Variants in SPATS2L observed in about 807,000 individuals in gnomAD.
SPATS2L encodes spermatogenesis associated serine rich 2 like.
In SPATS2L, 30 loss-of-function variants were observed where a neutral mutation model predicts 59.6. The ratio of observed to expected loss-of-function variants is 0.50; its 90% CI spans 0.38 to 0.68. The LOEUF is 0.68. Ranked by LOEUF, SPATS2L falls within the 30% of genes least tolerant of loss-of-function variation. The pLI is 0.00. For synonymous variants in SPATS2L, 252 were observed against 263.5 expected (o/e 0.96, Z 0.42); for missense variants, 615 against 700.0 (o/e 0.88, Z 1.37).
At chr2:200,467,208 G>A in intron 9 of SPATS2L, 82 bp from the exon 10 acceptor site, 1 of 960,086 alleles carries the variant, frequency 1.0e-6, no homozygotes, top group Non-Finnish European at 1.6e-6. Context: ...AGTCTGTGGA[G>A]TGAGAACTGA....
chr2:200,371,875 T>TA (rs2081437675), intron 2 of SPATS2L, among the ~76,000 whole-genome samples: 1 of 152,142 alleles, frequency 6.6e-6, no homozygotes, highest in African/African-American at 2.4e-5. Flanking sequence ...TGTTAGAAGA[T>TA]ATTTGTGTCA....
rs142331733 is a variant in SPATS2L, at chr2:200,425,264, C to T, written c.445+5768C>T. ...CAGATTTTTTTATGTTGCTGTTGGT[C>T]CTGGCCTCAAGATTACCTCCCCTGC... On this transcript the variant is annotated intron_variant, in intron 6 of 12. Coordinates refer to ENST00000409140, the MANE Select transcript of SPATS2L (RefSeq NM_001100423.2). 1.7e-4 allele frequency among the ~76,000 whole-genome samples: 26 copies of T among 152,054 alleles called. No individual in the cohort carries two copies. In the East Asian group the frequency reaches 4.6e-3, roughly 27 times the overall value.
chr2:200,341,089 C>T (rs116343338), intron 2 of SPATS2L, among the ~76,000 whole-genome samples: 1,940 of 152,222 alleles, frequency 0.013, 38 homozygotes, highest in African/African-American at 0.043. Context: ...ACTGGCAGAC[C>T]GACTTCTTAA....
chr2:200,401,873 G>A (rs998014908), intron 3 of SPATS2L, among the ~76,000 whole-genome samples: 1 of 152,132 alleles, frequency 6.6e-6, no homozygotes, highest in South Asian at 2.1e-4. Context: ...CTTTTCTGGA[G>A]CTCCAGATTT....
chr2:200,433,412 A>G (rs1370236868), intron 6 of SPATS2L, among the ~76,000 whole-genome samples: 2 of 152,152 alleles, frequency 1.3e-5, no homozygotes, highest in Non-Finnish European at 2.9e-5. Flanking sequence ...TTGCTGGACC[A>G]TAAAATTAGT....
intron 1 of SPATS2L, among the ~76,000 whole-genome samples, chr2:200,329,213 G>T (rs928170440): frequency 8.5e-5 from 13 of 152,148 alleles, no homozygotes; most frequent in African/African-American, 3.1e-4. Flanking sequence ...TGTGAGGAAG[G>T]TACTGTTATT....
rs1289999166 is a variant in SPATS2L, at chr2:200,481,013, C to G, written c.*2982C>G. On this transcript the variant is annotated 3_prime_UTR_variant, in exon 13 of 13. Transcript: ENST00000409140. ...TTAGATCTTCCACCAAGACTTCATC[C>G]GTGAAATCCACACCTCCCTGTTGGG... 6.6e-6 allele frequency: 1 copy of G among 152,156 alleles called. No homozygotes were observed. The highest frequency in any genetic ancestry group is 1.5e-5 in the Non-Finnish European group (1 of 68,026). The allele number at this position is 152,156 out of a possible 1,614,324, so 9.4% of individuals were successfully genotyped here.
intron 9 of SPATS2L, among the ~76,000 whole-genome samples, chr2:200,465,378 G>A (rs2086519621): frequency 6.6e-6 from 1 of 152,236 alleles, no homozygotes; most frequent in Non-Finnish European, 1.5e-5. Context: ...ATTTGTAAAC[G>A]TAATGTGTGG....
intron 9 of SPATS2L, among the ~76,000 whole-genome samples, chr2:200,466,343 G>A (rs2086601639): frequency 6.6e-6 from 1 of 152,134 alleles, no homozygotes; most frequent in Non-Finnish European, 1.5e-5. Context: ...AGAAATGAAG[G>A]CAATTCATAT....
intron 8 of SPATS2L, among the ~76,000 whole-genome samples, chr2:200,450,384 A>T (rs10497862): frequency 0.24 from 36,318 of 152,000 alleles, 5,184 homozygotes; most frequent in South Asian, 0.37. Flanking sequence ...CAGCTATGGG[A>T]TAGGAATGGT....
intron 3 of SPATS2L, among the ~76,000 whole-genome samples, chr2:200,396,390 T>C (rs2082354830): frequency 6.6e-6 from 1 of 152,112 alleles, no homozygotes; most frequent in Admixed American, 6.6e-5. Context: ...TCCAGAGAGG[T>C]GACATATTCA....
chr2:200,409,810 A>G lies in SPATS2L; in HGVS notation c.40-2501A>G, dbSNP rs192020459. Among the ~76,000 whole-genome samples, 572 of 152,350 alleles carry G rather than the reference A, an allele frequency of 3.8e-3. 4 individuals carry two copies. The highest frequency in any genetic ancestry group is 0.013 in the African/African-American group (551 of 41,582). ...GATACAGTCAGTGCTAGGATATACA[A>G]AATGACAAGGATAGAAAATGTTTTC... On this transcript the variant is annotated intron_variant, in intron 3 of 12. Coordinates refer to ENST00000409140, the MANE Select transcript of SPATS2L (RefSeq NM_001100423.2).
chr2:200,306,698 T>G lies in SPATS2L; in HGVS notation c.-297T>G, dbSNP rs1248418688. On this transcript the variant is annotated 5_prime_UTR_variant, in exon 1 of 13. Coordinates refer to ENST00000409140, the MANE Select transcript of SPATS2L (RefSeq NM_001100423.2). Reference sequence around the variant, plus strand: ...GCGTGGGGCGGCCGAGCCGGAGTTGTGTCAGTGAAGGAATCCAGTCCGGGG... The same window carrying G: ...GCGTGGGGCGGCCGAGCCGGAGTTGGGTCAGTGAAGGAATCCAGTCCGGGG... 8.1e-6 allele frequency: 8 copies of G among 984,620 alleles called. No homozygotes were observed. The highest frequency in any genetic ancestry group is 9.6e-6 in the Non-Finnish European group (8 of 829,698). 61.0% of individuals were successfully genotyped at this position (984,620 alleles called of 1,614,324 possible). A position where few individuals can be genotyped will look rare whatever the true frequency, so the allele number is the denominator to read the frequency against.
chr2:200,306,778 G>A lies in SPATS2L; in HGVS notation c.-217G>A. The A allele has an allele frequency of 4.1e-6, 4 of 981,834 alleles. No homozygotes were observed. The highest frequency in any genetic ancestry group is 1.2e-4 in the East Asian group (1 of 8,640). The allele number at this position is 981,834 out of a possible 1,614,324, so 60.8% of individuals were successfully genotyped here. A position where few individuals can be genotyped will look rare whatever the true frequency, so the allele number is the denominator to read the frequency against. On this transcript the variant is annotated 5_prime_UTR_variant, in exon 1 of 13. Coordinates refer to ENST00000409140, the MANE Select transcript of SPATS2L (RefSeq NM_001100423.2). ...CGCCGGCAGCGCGGGGCGAGCTCCG[G>A]ACGGCGCGCGGCCCAGGCAGCGGCT... is the stretch of plus-strand genomic sequence containing the variant.
chr2:200,477,813 G>A lies in SPATS2L; in HGVS notation c.1459G>A (p.Ala487Thr), dbSNP rs1358046189. 2.5e-6 allele frequency: 4 copies of A among 1,575,262 alleles called. No homozygotes were observed. The highest frequency in any genetic ancestry group is 2.3e-5 in the East Asian group (1 of 42,564). ...NGFRPKNKGG[A>T]KNQEASLGMK... ...CTTCCGGCCCAAAAACAAAGGCGGT[G>A]CCAAAAATCAAGAGGCTTCCTTGGG... Residue 487 changes from alanine (A) to threonine (T), a missense_variant, in exon 13 of 13, where the codon GCC (alanine) becomes ACC (threonine). Coordinates refer to ENST00000409140, the MANE Select transcript of SPATS2L (RefSeq NM_001100423.2).
intron 3 of SPATS2L, chr2:200,390,114 C>G (rs2082125803): frequency 6.6e-6 from 1 of 152,302 alleles, no homozygotes; most frequent in Non-Finnish European, 1.5e-5. Flanking sequence ...CCACAGCCTT[C>G]TCTGGACTGT....
At chr2:200,416,273 C>CAAAAAAAAAAAAAAAAAA (rs5837739) in intron 4 of SPATS2L, 106 bp from the exon 5 acceptor site, 1 of 318,468 alleles carries the variant, frequency 3.1e-6, no homozygotes, top group Non-Finnish European at 5.2e-6. Flanking sequence ...ATGAAAAAGC[C>CAAAAAAAAAAAAAAAAAA]AAAAAAAAAA....
At chr2:200,446,564 C>T (rs1040670067) in intron 8 of SPATS2L, among the ~76,000 whole-genome samples, 1 of 152,118 alleles carries the variant, frequency 6.6e-6, no homozygotes, top group Non-Finnish European at 1.5e-5. Context: ...AACCGTCTCT[C>T]CCACCTCTCC....
intron 8 of SPATS2L, 58 bp from the exon 9 acceptor site, chr2:200,459,711 A>G: frequency 1.5e-6 from 2 of 1,341,884 alleles, no homozygotes; most frequent in South Asian, 2.5e-5. Context: ...GTGCTTATTA[A>G]AAGTTTATCT....
Sources: allele counts gnomAD v4.1 joint callset (sites outside exome capture counted in the v4.1 genomes callset), GRCh38; gene constraint gnomAD v4.1.1; transcripts MANE v1.5; gene names NCBI Gene and HGNC (gene_info 2026-07-23, HGNC 2026-07-21).